ARHGAP10: variants seen among roughly 807,000 people sequenced by gnomAD.
ARHGAP10 encodes the protein rho GTPase-activating protein 10.
ARHGAP10 carries 87 observed loss-of-function variants against 108.6 expected under a neutral mutation model. The ratio of observed to expected loss-of-function variants is 0.80; its 90% confidence interval spans 0.67 to 0.96. ARHGAP10 has a LOEUF of 0.96. Ranked by LOEUF, ARHGAP10 falls within the 40% of genes least tolerant of loss-of-function variation. The pLI is 0.00. For synonymous variants in ARHGAP10, 347 were observed against 341.1 expected (o/e 1.02, Z -0.19); for missense variants, 939 against 954.5 (o/e 0.98, Z 0.21).
chr4:147,850,797 C>G (rs1449889104), intron 4 of ARHGAP10, among the ~76,000 whole-genome samples: 1 of 152,160 alleles, frequency 6.6e-6, no homozygotes, highest in Non-Finnish European at 1.5e-5. Flanking sequence ...TCTCTAAGGC[C>G]TAGCTGAGTT....
At position 147,865,113 on chromosome 4, in the gene ARHGAP10, C is replaced by A; in HGVS notation, c.597+157C>A. ...GGGCAGACACAGATAGCCATGAAGTCAAGGAATTGCCTCTAAATCAGTGGT... is the reference window on the plus strand; with the variant it reads ...GGGCAGACACAGATAGCCATGAAGTAAAGGAATTGCCTCTAAATCAGTGGT... On this transcript the variant is annotated intron_variant, in intron 6 of 22. Coordinates refer to ENST00000336498, the MANE Select transcript of ARHGAP10 (RefSeq NM_024605.4). The A allele has an allele frequency of 9.6e-6, 6 of 624,612 alleles. No individual in the cohort carries two copies. The South Asian group carries it at 1.2e-4, about 13-fold the overall frequency. 38.7% of individuals were successfully genotyped at this position (624,612 alleles called of 1,614,324 possible).
In ARHGAP10 at chr4:148,060,472, A is replaced by C. The variant is rs112893064; in HGVS notation, c.2028-2676A>C. On this transcript the variant is annotated intron_variant, in intron 20 of 22. Coordinates refer to ENST00000336498, the MANE Select transcript of ARHGAP10 (RefSeq NM_024605.4). ...TGTGAACCCATTACACGACTTAAGT[A>C]TATTTACTCACTTGCCTCACCTGAT... 3.0e-3 allele frequency among the ~76,000 whole-genome samples: 450 copies of C among 151,430 alleles called. 4 individuals carry two copies. The highest frequency in any genetic ancestry group is 4.4e-3 in the Admixed American group (67 of 15,160).
rs1729771616 is a variant in ARHGAP10 at position 148,064,450 on chromosome 4, T to TG, written c.2216dup (p.Cys739TrpfsTer2). ...TCGGAAGGCTCGAGCCGTGTATCCG[T>TG]GTGAAGCAGAACACAGCTCGGAATT... On this transcript the variant is annotated frameshift_variant, in exon 22 of 23. Transcript: ENST00000336498. LOFTEE classifies it high-confidence loss of function. The TG allele has an allele frequency of 6.2e-7, 1 of 1,614,150 alleles. No homozygotes were observed.
At chr4:147,892,223 G>T (rs1052555046) in intron 10 of ARHGAP10, among the ~76,000 whole-genome samples, 3 of 152,062 alleles carry the variant, frequency 2.0e-5, no homozygotes, top group Non-Finnish European at 4.4e-5. Flanking sequence ...AAGCACTGGC[G>T]TTTTACAGTG....
At chr4:147,802,907 AACT>A (rs1731639309) in intron 1 of ARHGAP10, among the ~76,000 whole-genome samples, 1 of 152,164 alleles carries the variant, frequency 6.6e-6, no homozygotes, top group African/African-American at 2.4e-5. Flanking sequence ...AGTTTTGGAG[AACT>A]CCTTTGCTGT....
In ARHGAP10 at chr4:147,741,772, ACACACACACACACACACACG is replaced by A. The variant is rs1175495312; in HGVS notation, c.154+9337_154+9356del. 5.2e-3 allele frequency among the ~76,000 whole-genome samples: 181 copies of A among 34,952 alleles called. 1 individual carries two copies. The highest frequency in any genetic ancestry group is 0.014 in the African/African-American group (172 of 12,524). 22.9% of individuals were successfully genotyped at this position (34,952 alleles called of 152,430 possible). On this transcript the variant is annotated intron_variant, in intron 1 of 22. Coordinates refer to ENST00000336498, the MANE Select transcript of ARHGAP10 (RefSeq NM_024605.4). Reference sequence around the variant, plus strand: ...CATCTTGATATCGTTCTCTTTACACACACACACACACACACACACGCACACACACACACACACACACACAC... The same window carrying A: ...CATCTTGATATCGTTCTCTTTACACACACACACACACACACACACACACAC...
intron 1 of ARHGAP10, among the ~76,000 whole-genome samples, chr4:147,752,440 C>T (rs775782499): frequency 2.0e-5 from 3 of 151,850 alleles, no homozygotes; most frequent in Non-Finnish European, 4.4e-5. Context: ...TTGAAAAAAA[C>T]GCTATTGTTT....
chr4:147,945,212 C>G (rs1277328336), intron 14 of ARHGAP10, among the ~76,000 whole-genome samples: 1 of 152,068 alleles, frequency 6.6e-6, no homozygotes, highest in Non-Finnish European at 1.5e-5. Flanking sequence ...TAGGGGTTTG[C>G]CTTTCCTGCC....
intron 3 of ARHGAP10, among the ~76,000 whole-genome samples, chr4:147,832,069 C>T (rs1028076964): frequency 6.6e-6 from 1 of 152,052 alleles, no homozygotes; most frequent in African/African-American, 2.4e-5. Context: ...TCTCTTCTTC[C>T]CCCTGACTGC....
At chr4:148,027,537 C>T (rs76666635) in intron 19 of ARHGAP10, among the ~76,000 whole-genome samples, 2,924 of 152,196 alleles carry the variant, frequency 0.019, 94 homozygotes, top group African/African-American at 0.066. Flanking sequence ...TACTGTTGAG[C>T]GGGGCAGAGA....
chr4:148,038,951 G>GTGTTATTTTTGAAACTTAA (rs1483344851), intron 19 of ARHGAP10, among the ~76,000 whole-genome samples: 15 of 152,042 alleles, frequency 9.9e-5, no homozygotes, highest in African/African-American at 3.6e-4. Flanking sequence ...TTGAAACTTA[G>GTGTTATTTTTGAAACTTAA]TGTTATTTCT....
intron 17 of ARHGAP10, among the ~76,000 whole-genome samples, chr4:147,965,775 T>G (rs1739181422): frequency 6.6e-6 from 1 of 152,210 alleles, no homozygotes; most frequent in Non-Finnish European, 1.5e-5. Context: ...CTTTCTTAGG[T>G]GCTAGTGGAT....
At chr4:148,020,982 A>G (rs573034546) in intron 18 of ARHGAP10, among the ~76,000 whole-genome samples, 2 of 152,344 alleles carry the variant, frequency 1.3e-5, no homozygotes, top group Admixed American at 6.5e-5. Context: ...GAATACCTAT[A>G]TCTAAATCAC....
intron 18 of ARHGAP10, among the ~76,000 whole-genome samples, chr4:147,979,948 T>G (rs1425793270): frequency 2.0e-5 from 3 of 152,228 alleles, no homozygotes; most frequent in African/African-American, 7.2e-5. Flanking sequence ...GCAGCATCTT[T>G]AGGGTTTTCC....
chr4:147,872,546 G>A (rs1483927895), intron 7 of ARHGAP10, among the ~76,000 whole-genome samples: 1 of 152,212 alleles, frequency 6.6e-6, no homozygotes, highest in Non-Finnish European at 1.5e-5. Flanking sequence ...GCTATTGGAT[G>A]TCTGCGTGTA....
At chr4:147,818,160 TTTTC>T (rs1456756918) in intron 1 of ARHGAP10, among the ~76,000 whole-genome samples, 1 of 150,186 alleles carries the variant, frequency 6.7e-6, no homozygotes, top group Admixed American at 6.6e-5. Context: ...TTCTTCTTCT[TTTTC>T]TTTTTTTTTT....
chr4:147,762,883 T>C (rs1384653623), intron 1 of ARHGAP10, among the ~76,000 whole-genome samples: 2 of 152,066 alleles, frequency 1.3e-5, no homozygotes, highest in Non-Finnish European at 2.9e-5. Context: ...GTGGGGTAGA[T>C]TGTTGCTCAT....
At chr4:147,782,000 A>G (rs1730555670) in intron 1 of ARHGAP10, among the ~76,000 whole-genome samples, 1 of 152,190 alleles carries the variant, frequency 6.6e-6, no homozygotes, top group African/African-American at 2.4e-5. Flanking sequence ...GTGGCTTTTA[A>G]AAAGTCGCTG....
intron 12 of ARHGAP10, among the ~76,000 whole-genome samples, chr4:147,912,039 G>GTA (rs1434697347): frequency 0.027 from 3,234 of 121,576 alleles, 119 homozygotes; most frequent in African/African-American, 0.067. Context: ...GTGTGTGTGT[G>GTA]TATAGTTTTC....
Sources: gnomAD v4.1 joint callset for allele counts (sites outside exome capture counted in the v4.1 genomes callset) on GRCh38, gnomAD v4.1.1 for gene constraint, MANE v1.5 for transcripts, NCBI Gene and HGNC (gene_info 2026-07-23, HGNC 2026-07-21) for gene names.